SLFN12: variants seen among roughly 807,000 people sequenced by gnomAD.
SLFN12 encodes the protein schlafen family member 12.
In SLFN12, 25 loss-of-function variants were observed where a neutral mutation model predicts 29.1. That is an observed-to-expected ratio of 0.86 (90% CI 0.63 to 1.20). SLFN12 has a LOEUF of 1.20. SLFN12 is among the 50% of genes most tolerant of loss of function. The pLI is 0.00. For synonymous variants in SLFN12, 257 were observed against 238.7 expected (o/e 1.08, Z -0.71); for missense variants, 660 against 666.2 (o/e 0.99, Z 0.10).
chr17:35,411,806 G>T lies in SLFN12; in HGVS notation c.1269C>A (p.Ile423=). 1 of 1,614,064 alleles carries T rather than the reference G, an allele frequency of 6.2e-7. No individual in the cohort carries two copies. The highest frequency in any genetic ancestry group is 8.5e-7 in the Non-Finnish European group (1 of 1,180,008). ...EMDSVRKGSL[I]FSRSWSVDLG... is the part of the protein sequence containing the mutation. ...GATCCACAGACCAGCTCCTAGAGAA[G>T]ATCAGTGAGCCCTTTCTGACAGAGT... Residue 423 remains isoleucine, a synonymous_variant, in exon 4 of 4, where the codon ATC becomes ATA. Transcript: ENST00000304905.
At position 35,423,031 on chromosome 17, in the gene SLFN12, T is replaced by C. The variant is rs769586058; in HGVS notation, c.-3A>G. The C allele has an allele frequency of 1.9e-6, 3 of 1,605,428 alleles. No homozygotes were observed. Among genetic ancestry groups the C allele is most frequent in the Non-Finnish European group, 8.5e-7 (1 of 1,175,652 alleles). ...TCCAAATCAACACTGATGTTCATTT[T>C]CCCAGCAGCTATGCAGTGTCCAAGC... On this transcript the variant is annotated 5_prime_UTR_variant, in exon 2 of 4. Coordinates refer to ENST00000304905, the MANE Select transcript of SLFN12 (RefSeq NM_018042.5).
At chr17:35,421,944 C>T in intron 2 of SLFN12, 46 bp downstream of exon 2, 3 of 1,582,356 alleles carry the variant, frequency 1.9e-6, no homozygotes, top group Non-Finnish European at 2.6e-6. Flanking sequence ...AACCTCCCTG[C>T]CACCCAAGCC....
intron 2 of SLFN12, among the ~76,000 whole-genome samples, chr17:35,421,446 G>C (rs1205139754): frequency 2.0e-5 from 3 of 151,376 alleles, no homozygotes; most frequent in Non-Finnish European, 2.9e-5. Flanking sequence ...TTTTGCACCA[G>C]GTAGGGCTAC....
chr17:35,424,033 C>T (rs1249686554), intron 1 of SLFN12, among the ~76,000 whole-genome samples: 2 of 152,106 alleles, frequency 1.3e-5, no homozygotes, highest in East Asian at 1.9e-4. Flanking sequence ...TTTGTTATGG[C>T]GGCCTAAACA....
intron 3 of SLFN12, among the ~76,000 whole-genome samples, chr17:35,418,190 T>G (rs138472262): frequency 1.3e-5 from 2 of 150,422 alleles, no homozygotes; most frequent in African/African-American, 4.8e-5. Context: ...CTACCAGATA[T>G]CGATACTTAG....
Position 35,422,028 on chromosome 17 carries a change from C to G in SLFN12, c.1001G>C (p.Arg334Thr), listed in dbSNP as rs754307307. ...CACCATGAACTGGATCCATTCCTTC[C>G]TGGTCAACTGCATCACACGGTTATC... Reference protein sequence around the residue: ...VKDNRVMQLTRKEWIQFMVEA... With the variant: ...VKDNRVMQLTTKEWIQFMVEA... Residue 334 changes from arginine (R) to threonine (T), a missense_variant, in exon 2 of 4, where the codon AGG becomes ACG. Physicochemically the swap from Arg to Thr is moderately conservative, Grantham distance 71. Coordinates refer to ENST00000304905, the MANE Select transcript of SLFN12 (RefSeq NM_018042.5). 1.7e-5 allele frequency: 28 copies of G among 1,613,950 alleles called. 1 individual carries two copies. Among genetic ancestry groups the G allele is most frequent in the Non-Finnish European group, 2.3e-5 (27 of 1,180,006 alleles).
At chr17:35,412,729 T>G (rs529179847) in intron 3 of SLFN12, among the ~76,000 whole-genome samples, 2 of 151,906 alleles carry the variant, frequency 1.3e-5, no homozygotes, top group African/African-American at 4.8e-5. Context: ...AAAATCAGAA[T>G]GAATTACTAG....
In SLFN12 at chr17:35,420,293, C is replaced by A; in HGVS notation, c.1128G>T (p.Arg376=). The change falls in exon 3 of 4, where the codon CGG becomes CGT. Residue 376 remains arginine, a synonymous_variant. Transcript: ENST00000304905. Reference sequence around the variant, plus strand: ...AATTACCTGGACAGTGATGTCTCTGCCGTTGCCATTCCAAAAGAGGCCAAC... The same window carrying A: ...AATTACCTGGACAGTGATGTCTCTGACGTTGCCATTCCAAAAGAGGCCAAC... ...PHSWPLLEWQ[R]QRHHCPGLSG... 1 of 1,612,580 alleles carries A rather than the reference C, an allele frequency of 6.2e-7. No individual in the cohort carries two copies. The highest frequency in any genetic ancestry group is 8.5e-7 in the Non-Finnish European group (1 of 1,178,780).
In SLFN12 at chr17:35,420,550, TA is replaced by T. The variant is rs1178971794; in HGVS notation, c.1040-170del. The T allele has an allele frequency of 1.0e-5, 5 of 484,208 alleles. No homozygotes were observed. In the South Asian group the frequency reaches 1.0e-4, roughly 10 times the overall value. 30.0% of individuals were successfully genotyped at this position (484,208 alleles called of 1,614,324 possible). Reference sequence around the variant, plus strand: ...TTAGGTCAGATACAAATTGCAAAATTAACTTTTGATGCCACTGACACACTAT... The same window carrying T: ...TTAGGTCAGATACAAATTGCAAAATTACTTTTGATGCCACTGACACACTAT... On this transcript the variant is annotated intron_variant, in intron 2 of 3. Transcript: ENST00000304905.
chr17:35,424,198 C>T (rs567857436), intron 1 of SLFN12, among the ~76,000 whole-genome samples: 5 of 151,660 alleles, frequency 3.3e-5, no homozygotes, highest in Non-Finnish European at 7.4e-5. Context: ...TTAAGTGTAA[C>T]TTTTTAAGTT....
At chr17:35,419,028 T>C (rs1911476181) in intron 3 of SLFN12, among the ~76,000 whole-genome samples, 1 of 152,016 alleles carries the variant, frequency 6.6e-6, no homozygotes, top group Non-Finnish European at 1.5e-5. Context: ...CCACCACACC[T>C]GGCTAATTTT....
At chr17:35,430,775 TAAGTA>T (rs562906330) in intron 1 of SLFN12, among the ~76,000 whole-genome samples, 165 of 152,228 alleles carry the variant, frequency 1.1e-3, no homozygotes, top group African/African-American at 3.8e-3. Context: ...TCTACCAACT[TAAGTA>T]AACAATCTCC....
chr17:35,422,482 C>A lies in SLFN12; in HGVS notation c.547G>T (p.Val183Phe), dbSNP rs556933542. 7.2e-5 allele frequency: 116 copies of A among 1,611,982 alleles called. No homozygotes were observed. Among genetic ancestry groups the A allele is most frequent in the African/African-American group, 3.3e-4 (25 of 74,812 alleles). ...TCAAGTTCTGTTCTATCAAAAAAAA[C>A]CCCGGCCAAGGCCTTCATGTTATTT... The part of the protein sequence containing the change: ...EENNMKALAG[V>F]FFDRTELDRK... Residue 183 changes from valine (V) to phenylalanine (F), a missense_variant, in exon 2 of 4, where the codon GTT (valine) becomes TTT (phenylalanine). Coordinates refer to ENST00000304905, the MANE Select transcript of SLFN12 (RefSeq NM_018042.5).
At chr17:35,420,003 GAT>G (rs1359117742) in intron 3 of SLFN12, among the ~76,000 whole-genome samples, 1 of 152,118 alleles carries the variant, frequency 6.6e-6, no homozygotes, top group Non-Finnish European at 1.5e-5. Flanking sequence ...TCAGTGACAT[GAT>G]ATATATGCTT....
chr17:35,413,509 A>G (rs924820064), intron 3 of SLFN12, among the ~76,000 whole-genome samples: 12 of 152,214 alleles, frequency 7.9e-5, no homozygotes, highest in Admixed American at 7.2e-4. Flanking sequence ...GCACTTTGGG[A>G]GGCCAAGGCA....
chr17:35,419,101 T>A (rs951059007), intron 3 of SLFN12, among the ~76,000 whole-genome samples: 28 of 152,096 alleles, frequency 1.8e-4, no homozygotes, highest in African/African-American at 6.5e-4. Context: ...CCTCAAGTGA[T>A]CCGCCCACCT....
At chr17:35,412,584 A>T (rs1296111243) in intron 3 of SLFN12, among the ~76,000 whole-genome samples, 1 of 152,164 alleles carries the variant, frequency 6.6e-6, no homozygotes, top group African/African-American at 2.4e-5. Flanking sequence ...AAAAACTTCA[A>T]AAGAATAAAA....
Position 35,427,197 on chromosome 17 carries a change from G to A in SLFN12, c.-40-4129C>T, listed in dbSNP as rs117276112. On this transcript the variant is annotated intron_variant, in intron 1 of 3. Coordinates refer to ENST00000304905, the MANE Select transcript of SLFN12 (RefSeq NM_018042.5). ...CATGCAGGGCAAAAACTTGGGCAAG[G>A]GTGAGTAAAAACACCATGAAATTTC... Among the ~76,000 whole-genome samples the A allele has an allele frequency of 9.6e-3, 1,465 of 152,216 alleles. 17 individuals are homozygous for A. Among genetic ancestry groups the A allele is most frequent in the Non-Finnish European group, 0.014 (969 of 68,006 alleles).
chr17:35,413,273 C>CA (rs11362951), intron 3 of SLFN12, among the ~76,000 whole-genome samples: 10 of 151,640 alleles, frequency 6.6e-5, no homozygotes, highest in Admixed American at 2.6e-4. Flanking sequence ...CAGACTCTTC[C>CA]AAAAAAATTG....
Sources: gnomAD v4.1 joint callset for allele counts (sites outside exome capture counted in the v4.1 genomes callset) on GRCh38, gnomAD v4.1.1 for gene constraint, MANE v1.5 for transcripts, NCBI Gene and HGNC (gene_info 2026-07-23, HGNC 2026-07-21) for gene names.